SPRYD4: variants seen among roughly 807,000 people sequenced by gnomAD.
SPRYD4 encodes SPRY domain-containing protein 4.
A neutral mutation model predicts 16.6 loss-of-function variants in SPRYD4; 12 were observed. The ratio of observed to expected loss-of-function variants is 0.72; its 90% confidence interval spans 0.46 to 1.17. The LOEUF (loss-of-function observed/expected upper bound fraction) is 1.17, where lower values mean the gene tolerates loss of function less well. Among genes scored for constraint, SPRYD4 ranks in the 50% most tolerant of loss-of-function variants. The pLI is 0.00. For synonymous variants in SPRYD4, 98 were observed against 105.4 expected, an observed-to-expected ratio of 0.93 and a Z score of 0.43; for missense variants, 260 against 260.2, an observed-to-expected ratio of 1.00 and a Z score of 0.00.
chr12:56,473,191 T>G lies in SPRYD4; in HGVS notation c.*3614T>G. 4 of 1,596,320 alleles carry G rather than the reference T, an allele frequency of 2.5e-6. No homozygotes were observed. The highest frequency in any genetic ancestry group is 3.4e-6 in the Non-Finnish European group (4 of 1,164,220). On this transcript the variant is annotated 3_prime_UTR_variant, in exon 2 of 2. Coordinates refer to ENST00000338146, the MANE Select transcript of SPRYD4 (RefSeq NM_207344.4). ...GGCGTGAGCCACCGCACCTGGCCTT[T>G]GAAATATTCTTACAAGCCACCTGGA...
rs187372138 is a variant in SPRYD4, at chr12:56,477,087, G to A, written c.*7510G>A. On this transcript the variant is annotated 3_prime_UTR_variant, in exon 2 of 2. Transcript: ENST00000338146. ...GACTCTGATACCTGAGTCCCTGAGG[G>A]GAGGATTCCTAACACCACCTTCCCC... is the stretch of plus-strand genomic sequence containing the variant. 6.6e-6 allele frequency: 1 copy of A among 152,404 alleles called. No homozygotes were observed. Among genetic ancestry groups the A allele is most frequent in the Admixed American group, 6.5e-5 (1 of 15,310 alleles). The allele number at this position is 152,404 out of a possible 1,614,324, so 9.4% of individuals were successfully genotyped here. A position where few individuals can be genotyped will look rare whatever the true frequency, so the allele number is the denominator to read the frequency against.
At position 56,474,918 on chromosome 12, in the gene SPRYD4, G is replaced by A; in HGVS notation, c.*5341G>A. 6.2e-7 allele frequency: 1 copy of A among 1,614,076 alleles called. No homozygotes were observed. The highest frequency in any genetic ancestry group is 8.5e-7 in the Non-Finnish European group (1 of 1,180,000). On this transcript the variant is annotated 3_prime_UTR_variant, in exon 2 of 2. Transcript: ENST00000338146. ...AGCACTGCAAGGAAGAGAGGGGAGA[G>A]CATTTCTCTTCAGGACATCAGCCCT...
Position 56,472,258 on chromosome 12 carries a change from G to A in SPRYD4, c.*2681G>A. 7.0e-7 allele frequency: 1 copy of A among 1,432,892 alleles called. No individual in the cohort carries two copies. Among genetic ancestry groups the A allele is most frequent in the Non-Finnish European group, 9.8e-7 (1 of 1,016,760 alleles). The allele number at this position is 1,432,892 out of a possible 1,614,324, so 88.8% of individuals were successfully genotyped here. ...CAGACTGGAATCACAGGTGTTCTTT[G>A]TGAACTGGTGTCAGACTGGATGAGT... On this transcript the variant is annotated 3_prime_UTR_variant, in exon 2 of 2. Transcript: ENST00000338146.
Position 56,472,818 on chromosome 12 carries a change from C to G in SPRYD4, c.*3241C>G. 3 of 1,338,292 alleles carry G rather than the reference C, an allele frequency of 2.2e-6. No individual in the cohort carries two copies. The highest frequency in any genetic ancestry group is 3.2e-6 in the Non-Finnish European group (3 of 929,132). The allele number at this position is 1,338,292 out of a possible 1,614,324, so 82.9% of individuals were successfully genotyped here. ...CCTATGCCAGCTGTGCCCTGTGACC[C>G]TCCTCCATGGATGCTTAGTCCAAGG... On this transcript the variant is annotated 3_prime_UTR_variant, in exon 2 of 2. Coordinates refer to ENST00000338146, the MANE Select transcript of SPRYD4 (RefSeq NM_207344.4).
chr12:56,474,156 A>G lies in SPRYD4; in HGVS notation c.*4579A>G, dbSNP rs1284755282. 1 of 221,838 alleles carries G rather than the reference A, an allele frequency of 4.5e-6. No individual in the cohort carries two copies. Among genetic ancestry groups the G allele is most frequent in the African/African-American group, 2.4e-5 (1 of 42,228 alleles). 13.7% of individuals were successfully genotyped at this position (221,838 alleles called of 1,614,324 possible). On this transcript the variant is annotated 3_prime_UTR_variant, in exon 2 of 2. Coordinates refer to ENST00000338146, the MANE Select transcript of SPRYD4 (RefSeq NM_207344.4). ...TGCCCAGGCTACAGTGCAATGGCAC[A>G]ATCTCGGCTCAGTGCAACCTCTGCC...
chr12:56,476,014 T>C lies in SPRYD4; in HGVS notation c.*6437T>C. On this transcript the variant is annotated 3_prime_UTR_variant, in exon 2 of 2. Coordinates refer to ENST00000338146, the MANE Select transcript of SPRYD4 (RefSeq NM_207344.4). ...GAGAGAGATGTCAGCATTCTAAGTG[T>C]AGGAGGATGACAGAGGGAAGGGTCA... 1.2e-6 allele frequency: 2 copies of C among 1,604,548 alleles called. No homozygotes were observed. Among genetic ancestry groups the C allele is most frequent in the Admixed American group, 1.7e-5 (1 of 59,944 alleles).
Position 56,471,539 on chromosome 12 carries a change from G to C in SPRYD4, c.*1962G>C. 6.2e-7 allele frequency: 1 copy of C among 1,614,170 alleles called. No individual in the cohort carries two copies. Among genetic ancestry groups the C allele is most frequent in the South Asian group, 1.1e-5 (1 of 91,082 alleles). ...GGACAGGGCCTCAGCTGCTGCCTCA[G>C]CCTGAGTTTCAGAGAGTGTGTAGGA... On this transcript the variant is annotated 3_prime_UTR_variant, in exon 2 of 2. Coordinates refer to ENST00000338146, the MANE Select transcript of SPRYD4 (RefSeq NM_207344.4).
In SPRYD4 at chr12:56,478,538, C is replaced by T. The variant is rs74091906; in HGVS notation, c.*8961C>T. ...CAACCTTCCCCTTTTGGTTCTTAGGCTCAGTTACCCTATAAATCCCTTTGA... is the reference window on the plus strand; with the variant it reads ...CAACCTTCCCCTTTTGGTTCTTAGGTTCAGTTACCCTATAAATCCCTTTGA... On this transcript the variant is annotated 3_prime_UTR_variant, in exon 2 of 2. Transcript: ENST00000338146. The T allele has an allele frequency of 1.1e-5, 5 of 441,660 alleles. No individual in the cohort carries two copies. The highest frequency in any genetic ancestry group is 2.0e-5 in the African/African-American group (1 of 50,340). The allele number at this position is 441,660 out of a possible 1,614,324, so 27.4% of individuals were successfully genotyped here.
At position 56,479,225 on chromosome 12, in the gene SPRYD4, G is replaced by C; in HGVS notation, c.*9648G>C. 2.5e-6 allele frequency: 4 copies of C among 1,604,814 alleles called. No homozygotes were observed. Among genetic ancestry groups the C allele is most frequent in the Non-Finnish European group, 2.5e-6 (3 of 1,177,620 alleles). Reference sequence around the variant, plus strand: ...TGGATTAGGGGGCTAGAGAAATGCAGCTGGGACTCACTCTGGAGCCACGGA... The same window carrying C: ...TGGATTAGGGGGCTAGAGAAATGCACCTGGGACTCACTCTGGAGCCACGGA... On this transcript the variant is annotated 3_prime_UTR_variant, in exon 2 of 2. Transcript: ENST00000338146.
chr12:56,475,215 C>T lies in SPRYD4; in HGVS notation c.*5638C>T. Reference sequence around the variant, plus strand: ...AGACAGAACTACATCACACCACAAACTAAATGAACCCCTTTATAACTTCTC... The same window carrying T: ...AGACAGAACTACATCACACCACAAATTAAATGAACCCCTTTATAACTTCTC... On this transcript the variant is annotated 3_prime_UTR_variant, in exon 2 of 2. Coordinates refer to ENST00000338146, the MANE Select transcript of SPRYD4 (RefSeq NM_207344.4). 1 of 1,601,794 alleles carries T rather than the reference C, an allele frequency of 6.2e-7. No homozygotes were observed. The highest frequency in any genetic ancestry group is 8.5e-7 in the Non-Finnish European group (1 of 1,179,374).
rs190064727 is a variant in SPRYD4, at chr12:56,471,059, C to G, written c.*1482C>G. 390 of 294,884 alleles carry G rather than the reference C, an allele frequency of 1.3e-3. 2 individuals are homozygous for G. The highest frequency in any genetic ancestry group is 6.4e-3 in the Middle Eastern group (7 of 1,100). The allele number at this position is 294,884 out of a possible 1,614,324, so 18.3% of individuals were successfully genotyped here. On this transcript the variant is annotated 3_prime_UTR_variant, in exon 2 of 2. Transcript: ENST00000338146. ...CCTGGCCAAGGGGAGTAGATTTCTC[C>G]AGACTACTAAAGCCATGTATATAGC...
Position 56,474,364 on chromosome 12 carries a change from T to G in SPRYD4, c.*4787T>G, listed in dbSNP as rs991030337. 12 of 715,478 alleles carry G rather than the reference T, an allele frequency of 1.7e-5. No individual in the cohort carries two copies. The highest frequency in any genetic ancestry group is 6.8e-6 in the Non-Finnish European group (3 of 439,842). 44.3% of individuals were successfully genotyped at this position (715,478 alleles called of 1,614,324 possible). A position where few individuals can be genotyped will look rare whatever the true frequency, so the allele number is the denominator to read the frequency against. The stretch of plus-strand genomic sequence containing the variant: ...TCGGCCTCCCAAAGACATCTCTTTA[T>G]ATATTCGAGGAACTTGGTGTTTTTG... On this transcript the variant is annotated 3_prime_UTR_variant, in exon 2 of 2. Coordinates refer to ENST00000338146, the MANE Select transcript of SPRYD4 (RefSeq NM_207344.4).
rs745498815 is a variant in SPRYD4 at position 56,479,006 on chromosome 12, A to T, written c.*9429A>T. 3.3e-6 allele frequency: 5 copies of T among 1,516,186 alleles called. No individual in the cohort carries two copies. In the South Asian group the frequency reaches 6.3e-5, roughly 19 times the overall value. The allele number at this position is 1,516,186 out of a possible 1,614,324, so 93.9% of individuals were successfully genotyped here. On this transcript the variant is annotated 3_prime_UTR_variant, in exon 2 of 2. Transcript: ENST00000338146. ...CTCAGGAAAAAAAAAAAAAAAAAAA[A>T]TCTGGCCCAGGTCCCTGACCCCTCC...
rs879366170 is a variant in SPRYD4, at chr12:56,472,555, A to C, written c.*2978A>C. On this transcript the variant is annotated 3_prime_UTR_variant, in exon 2 of 2. Transcript: ENST00000338146. Reference sequence around the variant, plus strand: ...TTAAAAAAAATCTCCTTTTTTAAAAAAATTTCATTTAAATGCAATCTATAT... The same window carrying C: ...TTAAAAAAAATCTCCTTTTTTAAAACAATTTCATTTAAATGCAATCTATAT... 5.1e-6 allele frequency: 4 copies of C among 783,682 alleles called. No individual in the cohort carries two copies. Among genetic ancestry groups the C allele is most frequent in the Non-Finnish European group, 8.2e-6 (4 of 486,712 alleles). 48.5% of individuals were successfully genotyped at this position (783,682 alleles called of 1,614,324 possible). A position where few individuals can be genotyped will look rare whatever the true frequency, so the allele number is the denominator to read the frequency against.
Position 56,471,342 on chromosome 12 carries a change from A to C in SPRYD4, c.*1765A>C. 1.2e-6 allele frequency: 1 copy of C among 856,568 alleles called. No individual in the cohort carries two copies. The highest frequency in any genetic ancestry group is 1.9e-5 in the South Asian group (1 of 53,538). The allele number at this position is 856,568 out of a possible 1,614,324, so 53.1% of individuals were successfully genotyped here. ...GAGGGAATGGGGTATTTTGACTCCC[A>C]TAGAAAGCACTAGCCTAAGTCACCA... On this transcript the variant is annotated 3_prime_UTR_variant, in exon 2 of 2. Transcript: ENST00000338146.
In SPRYD4 at chr12:56,469,610, T is replaced by G; in HGVS notation, c.*33T>G. On this transcript the variant is annotated 3_prime_UTR_variant, in exon 2 of 2. Transcript: ENST00000338146. ...ATTACTGGAGTCCCTAATCACGCCT[T>G]TGGCCAGCCTCCTTTTGAAAGTGTC... The G allele has an allele frequency of 1.9e-5, 30 of 1,574,502 alleles. No individual in the cohort carries two copies. Among genetic ancestry groups the G allele is most frequent in the Non-Finnish European group, 2.5e-5 (29 of 1,159,404 alleles).
rs1869523298 is a variant in SPRYD4 at position 56,473,724 on chromosome 12, G to C, written c.*4147G>C. On this transcript the variant is annotated 3_prime_UTR_variant, in exon 2 of 2. Transcript: ENST00000338146. ...ACAATCCACCTCAACCTTTTGGCTT[G>C]TTAATTAGCTTCTTTTATTACTCCT... 1.3e-5 allele frequency: 14 copies of C among 1,105,578 alleles called. No homozygotes were observed. Among genetic ancestry groups the C allele is most frequent in the Non-Finnish European group, 1.7e-5 (14 of 805,880 alleles). 68.5% of individuals were successfully genotyped at this position (1,105,578 alleles called of 1,614,324 possible).
Position 56,479,405 on chromosome 12 carries a change from G to C in SPRYD4, c.*9828G>C. On this transcript the variant is annotated 3_prime_UTR_variant, in exon 2 of 2. Coordinates refer to ENST00000338146, the MANE Select transcript of SPRYD4 (RefSeq NM_207344.4). ...AAAGACACTATGTCTTGGGATATGAGAAAAAAAATAAATACCAGAATAATA... is the reference window on the plus strand; with the variant it reads ...AAAGACACTATGTCTTGGGATATGACAAAAAAAATAAATACCAGAATAATA... The C allele has an allele frequency of 2.0e-6, 1 of 489,242 alleles. No homozygotes were observed. Among genetic ancestry groups the C allele is most frequent in the East Asian group, 3.4e-5 (1 of 29,514 alleles). The allele number at this position is 489,242 out of a possible 1,614,324, so 30.3% of individuals were successfully genotyped here.
Position 56,469,741 on chromosome 12 carries a change from G to A in SPRYD4, c.*164G>A. The A allele has an allele frequency of 1.4e-6, 1 of 730,312 alleles. No individual in the cohort carries two copies. Among genetic ancestry groups the A allele is most frequent in the Non-Finnish European group, 2.2e-6 (1 of 458,970 alleles). 45.2% of individuals were successfully genotyped at this position (730,312 alleles called of 1,614,324 possible). On this transcript the variant is annotated 3_prime_UTR_variant, in exon 2 of 2. Transcript: ENST00000338146. ...CTTCCTCATCCCCTACCTTGTGAAAGCTAGGCATACAGCCAAACCCTCCTT... is the reference window on the plus strand; with the variant it reads ...CTTCCTCATCCCCTACCTTGTGAAAACTAGGCATACAGCCAAACCCTCCTT...
Sources: gnomAD v4.1 joint callset for allele counts on GRCh38, gnomAD v4.1.1 for gene constraint, MANE v1.5 for transcripts, NCBI Gene and HGNC (gene_info 2026-07-23, HGNC 2026-07-21) for gene names.